Variants in TBC1D2 observed in about 807,000 individuals in gnomAD.
TBC1D2 encodes the protein TBC1 domain family member 2.
TBC1D2 carries 58 observed loss-of-function variants against 91.1 expected under a neutral mutation model. The ratio of observed to expected loss-of-function variants is 0.64; its 90% CI spans 0.52 to 0.79. TBC1D2 has a LOEUF of 0.79. Among genes scored for constraint, TBC1D2 ranks in the 30% least tolerant of loss-of-function variants. TBC1D2 has a pLI of 0.00. For synonymous variants in TBC1D2, 482 were observed against 511.5 expected (o/e 0.94, Z 0.78); for missense variants, 1,080 against 1,208.3 (o/e 0.89, Z 1.57).
At chr9:98,231,991 G>T (rs905991452) in intron 4 of TBC1D2, among the ~76,000 whole-genome samples, 4 of 152,242 alleles carry the variant, frequency 2.6e-5, no homozygotes, top group African/African-American at 9.6e-5. Flanking sequence ...TTATGGGGCA[G>T]TGGGGATTAA....
At chr9:98,238,881 G>A (rs1246737801) in intron 3 of TBC1D2, among the ~76,000 whole-genome samples, 3 of 150,160 alleles carry the variant, frequency 2.0e-5, no homozygotes, top group African/African-American at 5.0e-5. Flanking sequence ...TACCACCATG[G>A]CCGGCTAATT....
chr9:98,254,002 G>A (rs192786092), intron 1 of TBC1D2, among the ~76,000 whole-genome samples: 90 of 152,258 alleles, frequency 5.9e-4, no homozygotes, highest in African/African-American at 1.8e-3. Flanking sequence ...ACATAGACCC[G>A]GGAACCACAT....
chr9:98,213,272 C>G, intron 6 of TBC1D2, 54 bp from the exon 7 acceptor site: 2 of 1,604,346 alleles, frequency 1.2e-6, no homozygotes, highest in Non-Finnish European at 8.5e-7. Flanking sequence ...CTCCCTGGTC[C>G]TGGGGAGTCA....
At chr9:98,235,408 G>C in intron 3 of TBC1D2, 1 of 484,822 alleles carries the variant, frequency 2.1e-6, no homozygotes, top group South Asian at 1.6e-5. Context: ...GCAAGAGAGA[G>C]ATCTTTCTAA....
At chr9:98,224,132 G>A (rs1357423701) in intron 5 of TBC1D2, among the ~76,000 whole-genome samples, 4 of 151,472 alleles carry the variant, frequency 2.6e-5, no homozygotes, top group African/African-American at 4.9e-5. Flanking sequence ...GGGAGGCGGA[G>A]CTGGCAGTGA....
rs759488658 is a variant in TBC1D2 at position 98,208,691 on chromosome 9, G to A, written c.2127C>T (p.Ile709=). ...ACCTGTTCAGGCCCTGGCAGTAGCC[G>A]ATGGTGGGGTTCTGCCAGGAGAAGG... ...LLAFSWQNPT[I]GYCQGLNRLA... is the part of the protein sequence containing the mutation. The change falls in exon 9 of 13, where the codon ATC becomes ATT. Residue 709 remains isoleucine, a synonymous_variant. Coordinates refer to ENST00000465784, the MANE Select transcript of TBC1D2 (RefSeq NM_001267571.2). 31 of 1,531,840 alleles carry A rather than the reference G, an allele frequency of 2.0e-5. No individual in the cohort carries two copies. Among genetic ancestry groups the A allele is most frequent in the South Asian group, 5.1e-5 (4 of 79,180 alleles). 94.9% of individuals were successfully genotyped at this position (1,531,840 alleles called of 1,614,324 possible). A position where few individuals can be genotyped will look rare whatever the true frequency, so the allele number is the denominator to read the frequency against.
intron 9 of TBC1D2, among the ~76,000 whole-genome samples, chr9:98,205,188 C>T (rs1375313220): frequency 6.6e-6 from 1 of 152,222 alleles, no homozygotes; most frequent in Non-Finnish European, 1.5e-5. Context: ...GCTCTCTCCA[C>T]TCTATCCCAC....
At chr9:98,209,497 G>C (rs1358560165) in intron 8 of TBC1D2, among the ~76,000 whole-genome samples, 1 of 152,158 alleles carries the variant, frequency 6.6e-6, no homozygotes, top group African/African-American at 2.4e-5. Context: ...AAGGAGTCCT[G>C]CACTGTGCAT....
chr9:98,199,310 G>A lies in TBC1D2; in HGVS notation c.*71C>T. ...TGGGACACCCAGGGCTGGGCCACTG[G>A]TCCGTGCCTGACCTCCAGTGGGTCT... On this transcript the variant is annotated 3_prime_UTR_variant, in exon 13 of 13. Coordinates refer to ENST00000465784, the MANE Select transcript of TBC1D2 (RefSeq NM_001267571.2). 1 of 1,563,502 alleles carries A rather than the reference G, an allele frequency of 6.4e-7. No homozygotes were observed. The highest frequency in any genetic ancestry group is 8.8e-7 in the Non-Finnish European group (1 of 1,140,362).
chr9:98,200,518 A>T, intron 11 of TBC1D2, 144 bp from the exon 12 acceptor site: 1 of 203,156 alleles, frequency 4.9e-6, no homozygotes, highest in Non-Finnish European at 8.4e-6. Flanking sequence ...ATGTGTGGGG[A>T]TAGGCTCCAG....
intron 5 of TBC1D2, among the ~76,000 whole-genome samples, chr9:98,223,004 C>G (rs574050812): frequency 9.2e-5 from 14 of 152,344 alleles, no homozygotes; most frequent in Admixed American, 2.6e-4. Context: ...CCACTCGGTG[C>G]CAGGCCAGGC....
chr9:98,210,854 G>C lies in TBC1D2; in HGVS notation c.1486-11C>G. On this transcript the variant is annotated splice_polypyrimidine_tract_variant and intron_variant, in intron 7 of 12. Transcript: ENST00000465784. Reference sequence around the variant, plus strand: ...TTGGAGGTAGGCGCACTGCAAACAGGGAAAGGCTGGTCAGGCTACCGGGTG... The same window carrying C: ...TTGGAGGTAGGCGCACTGCAAACAGCGAAAGGCTGGTCAGGCTACCGGGTG... 2 of 1,549,150 alleles carry C rather than the reference G, an allele frequency of 1.3e-6. No homozygotes were observed. Among genetic ancestry groups the C allele is most frequent in the Non-Finnish European group, 1.7e-6 (2 of 1,145,358 alleles).
chr9:98,209,128 C>T lies in TBC1D2; in HGVS notation c.1690G>A (p.Gly564Ser), dbSNP rs978281123. The change falls in exon 9 of 13, where the codon GGC (glycine) becomes AGC (serine). Residue 564 changes from glycine to serine, a missense_variant. By Grantham distance (56) the Gly-to-Ser change is moderately conservative (BLOSUM62 0). Coordinates refer to ENST00000465784, the MANE Select transcript of TBC1D2 (RefSeq NM_001267571.2). Reference protein sequence around the residue: ...LSPISKYDEYGFLTVPDYEVE... With the variant: ...LSPISKYDEYSFLTVPDYEVE... ...TCATAGTCGGGCACCGTCAGGAAGC[C>T]GTACTCATCATACTTACTGCCAGCA... 1.3e-5 allele frequency: 21 copies of T among 1,612,474 alleles called. No individual in the cohort carries two copies. In the Middle Eastern group the frequency reaches 5.0e-4, roughly 38 times the overall value.
At chr9:98,241,804 C>G (rs1049964144) in intron 3 of TBC1D2, among the ~76,000 whole-genome samples, 2 of 152,156 alleles carry the variant, frequency 1.3e-5, no homozygotes, top group African/African-American at 4.8e-5. Context: ...TCCACATCCA[C>G]TCACCCTGGA....
intron 10 of TBC1D2, among the ~76,000 whole-genome samples, chr9:98,202,017 C>A (rs551931038): frequency 6.6e-6 from 1 of 152,212 alleles, no homozygotes; most frequent in Non-Finnish European, 1.5e-5. Context: ...TTCAGAGACA[C>A]TGGTCTCATG....
chr9:98,232,840 C>A (rs528480138), intron 4 of TBC1D2, among the ~76,000 whole-genome samples: 1 of 152,206 alleles, frequency 6.6e-6, no homozygotes, highest in Non-Finnish European at 1.5e-5. Context: ...TTGTTTGAGA[C>A]GGAGTCTCAC....
intron 7 of TBC1D2, 60 bp downstream of exon 7, chr9:98,213,048 C>T (rs1828887036): frequency 1.3e-6 from 2 of 1,577,036 alleles, no homozygotes; most frequent in Admixed American, 3.4e-5. Flanking sequence ...GAGTGGGCAG[C>T]ATGGGGACCA....
In TBC1D2 at chr9:98,221,029, C is replaced by T. The variant is rs148531095; in HGVS notation, c.1178G>A (p.Arg393Gln). ...RESLAHTASL[R>Q]EQQVQELQQH... ...CTGTAGCTCCTGCACCTGCTGCTCC[C>T]GCAGGCTCGCTGTGTGCGCCAGGCT... The change falls in exon 6 of 13, where the codon CGG becomes CAG. Residue 393 changes from arginine to glutamine, a missense_variant. Physicochemically the swap from Arg to Gln is conservative, Grantham distance 43. Coordinates refer to ENST00000465784, the MANE Select transcript of TBC1D2 (RefSeq NM_001267571.2). 1.9e-6 allele frequency: 3 copies of T among 1,613,894 alleles called. No individual in the cohort carries two copies. The highest frequency in any genetic ancestry group is 2.2e-5 in the East Asian group (1 of 44,880).
intron 2 of TBC1D2, among the ~76,000 whole-genome samples, chr9:98,251,477 T>C (rs914414595): frequency 6.6e-6 from 1 of 152,206 alleles, no homozygotes; most frequent in African/African-American, 2.4e-5. Flanking sequence ...TCTAACCATT[T>C]TAGGTATATG....
Sources: gnomAD v4.1 joint callset for allele counts (sites outside exome capture counted in the v4.1 genomes callset) on GRCh38, gnomAD v4.1.1 for gene constraint, MANE v1.5 for transcripts, NCBI Gene and HGNC (gene_info 2026-07-23, HGNC 2026-07-21) for gene names.